Variants in AKAP13 observed in about 807,000 individuals in gnomAD.
The protein encoded by AKAP13 is A-kinase anchoring protein 13.
Under a neutral mutation model 264.5 loss-of-function variants are expected in AKAP13, and 80 were observed. That is an observed-to-expected ratio of 0.30 (90% CI 0.25 to 0.36). AKAP13 has a LOEUF of 0.36. Among genes scored for constraint, AKAP13 ranks in the 10% least tolerant of loss-of-function variants. AKAP13 has a pLI of 1.00. For synonymous variants in AKAP13, 1,380 were observed against 1,250.2 expected, an observed-to-expected ratio of 1.10 and a Z score of -2.19; for missense variants, 3,712 against 3,435.2, an observed-to-expected ratio of 1.08 and a Z score of -2.01.
chr15:85,563,224 G>A (rs138036738), intron 5 of AKAP13, among the ~76,000 whole-genome samples: 1 of 151,776 alleles, frequency 6.6e-6, no homozygotes, highest in South Asian at 2.1e-4. Context: ...CGTAGGAAAA[G>A]GTAGGTTGGT....
At chr15:85,562,871 G>GTT (rs71141408) in intron 5 of AKAP13, among the ~76,000 whole-genome samples, 3 of 133,912 alleles carry the variant, frequency 2.2e-5, no homozygotes, top group African/African-American at 8.3e-5. Context: ...GGTTTTTTTT[G>GTT]TTTTTTTTTT....
chr15:85,618,017 T>C (rs2081017600), intron 8 of AKAP13, among the ~76,000 whole-genome samples: 1 of 152,206 alleles, frequency 6.6e-6, no homozygotes, highest in Admixed American at 6.5e-5. Flanking sequence ...CAAGGCTCAC[T>C]TGGGGCACGA....
At chr15:85,652,789 G>A (rs544916904) in intron 10 of AKAP13, among the ~76,000 whole-genome samples, 2 of 152,270 alleles carry the variant, frequency 1.3e-5, no homozygotes, top group East Asian at 3.9e-4. Context: ...TTGGGTTGTA[G>A]ACACTGCACT....
intron 19 of AKAP13, among the ~76,000 whole-genome samples, chr15:85,714,419 G>A (rs183777634): frequency 6.6e-6 from 1 of 152,304 alleles, no homozygotes; most frequent in African/African-American, 2.4e-5. Context: ...GTCATCTGTA[G>A]TTACAGGTGT....
chr15:85,444,611 A>T (rs1319894286), intron 1 of AKAP13, among the ~76,000 whole-genome samples: 1 of 152,114 alleles, frequency 6.6e-6, no homozygotes, highest in African/African-American at 2.4e-5. Flanking sequence ...ATGCCAAAAA[A>T]CTCAATGTAA....
At chr15:85,487,715 G>A (rs749456552) in intron 2 of AKAP13, among the ~76,000 whole-genome samples, 2 of 150,716 alleles carry the variant, frequency 1.3e-5, no homozygotes, top group African/African-American at 2.4e-5. Context: ...ACAGATGTGC[G>A]CCACCATGCC....
intron 30 of AKAP13, among the ~76,000 whole-genome samples, chr15:85,732,948 C>T (rs562299254): frequency 2.9e-4 from 44 of 152,182 alleles, no homozygotes; most frequent in African/African-American, 9.6e-4. Flanking sequence ...CGCATTCTCC[C>T]GTTTTTGAAA....
chr15:85,389,890 C>G (rs892492540), intron 1 of AKAP13: 2 of 152,194 alleles, frequency 1.3e-5, no homozygotes, highest in African/African-American at 2.4e-5. Context: ...CACTTGTGAT[C>G]TGGTGTTTTC....
intron 1 of AKAP13, chr15:85,415,160 A>T: frequency 1.1e-6 from 1 of 871,056 alleles, no homozygotes; most frequent in Non-Finnish European, 1.8e-6. Flanking sequence ...AAAAAAAATG[A>T]GATGTGACAG....
chr15:85,579,403 G>A lies in AKAP13; in HGVS notation c.1335G>A (p.Val445=), dbSNP rs540823242. ...AGTCCCTGAGCAGTGGAGATGCTGT[G>A]CTTCAGAGAGACTTGGTCATGGAGC... ...DQESLSSGDA[V]LQRDLVMEPG... Residue 445 remains valine, a synonymous_variant, in exon 7 of 37, where the codon GTG becomes GTA. Transcript: ENST00000394518. 21 of 1,614,142 alleles carry A rather than the reference G, an allele frequency of 1.3e-5. No individual in the cohort carries two copies. The African/African-American group carries it at 2.0e-4, about 15-fold the overall frequency.
chr15:85,737,352 T>A (rs773769252), intron 33 of AKAP13, among the ~76,000 whole-genome samples: 35 of 152,162 alleles, frequency 2.3e-4, no homozygotes, highest in Admixed American at 1.2e-3. Flanking sequence ...AATCTTCAGA[T>A]TACTGCCATC....
chr15:85,396,317 A>G (rs958265010), intron 1 of AKAP13, among the ~76,000 whole-genome samples: 3 of 152,172 alleles, frequency 2.0e-5, no homozygotes, highest in Admixed American at 2.0e-4. Context: ...TAACCTCTTC[A>G]GCAACTTCAT....
chr15:85,735,680 A>C (rs768145631), intron 32 of AKAP13, 50 bp downstream of exon 32: 3 of 1,512,970 alleles, frequency 2.0e-6, no homozygotes, highest in Non-Finnish European at 2.7e-6. Flanking sequence ...TTTCCTCTGA[A>C]TTCATAACCT....
intron 8 of AKAP13, among the ~76,000 whole-genome samples, chr15:85,592,046 C>CTTTT (rs386383662): frequency 2.2e-4 from 23 of 105,268 alleles, no homozygotes; most frequent in Non-Finnish European, 2.8e-4. Context: ...GAACCATGAT[C>CTTTT]TTTTTTTTTT....
chr15:85,695,250 C>G (rs913101595), intron 17 of AKAP13, among the ~76,000 whole-genome samples: 2 of 152,162 alleles, frequency 1.3e-5, no homozygotes, highest in African/African-American at 2.4e-5. Flanking sequence ...ACTAAAAATA[C>G]AAAGTTAGCT....
intron 6 of AKAP13, among the ~76,000 whole-genome samples, chr15:85,575,847 A>G (rs1369817769): frequency 6.6e-6 from 1 of 151,970 alleles, no homozygotes; most frequent in East Asian, 1.9e-4. Context: ...TTAGCTGGGC[A>G]TGGTGGCGTA....
At chr15:85,703,208 G>T (rs1441588322) in intron 17 of AKAP13, among the ~76,000 whole-genome samples, 1 of 152,130 alleles carries the variant, frequency 6.6e-6, no homozygotes, top group Non-Finnish European at 1.5e-5. Flanking sequence ...GGCATTTATA[G>T]TTCATTGCTT....
chr15:85,730,747 C>A (rs767571299), intron 30 of AKAP13, 40 bp downstream of exon 30: 1 of 1,568,744 alleles, frequency 6.4e-7, no homozygotes, highest in Non-Finnish European at 8.7e-7. Context: ...CATCTACTCC[C>A]AGAGTGGTTT....
chr15:85,689,054 C>T (rs1415659037), intron 16 of AKAP13, among the ~76,000 whole-genome samples: 7 of 152,170 alleles, frequency 4.6e-5, no homozygotes, highest in Non-Finnish European at 1.0e-4. Flanking sequence ...TACTTTTGCA[C>T]CAACCTAATA....
Sources: gnomAD v4.1 joint callset for allele counts (sites outside exome capture counted in the v4.1 genomes callset) on GRCh38, gnomAD v4.1.1 for gene constraint, MANE v1.5 for transcripts, NCBI Gene and HGNC (gene_info 2026-07-23, HGNC 2026-07-21) for gene names.